The following VPS54 variants were observed in gnomAD, a reference collection of about 807,000 sequenced individuals.
VPS54 encodes the protein vacuolar protein sorting-associated protein 54.
A neutral mutation model predicts 121.5 loss-of-function variants in VPS54; 45 were observed. The observed-to-expected ratio is 0.37, with a 90% CI of 0.29 to 0.47. VPS54 has a LOEUF of 0.47. VPS54 is among the 20% of genes least tolerant of loss of function. VPS54 has a pLI of 0.99. For missense variants in VPS54, 1,090 were observed against 1,131.4 expected, an observed-to-expected ratio of 0.96 and a Z score of 0.52; for synonymous variants, 371 against 385.8, an observed-to-expected ratio of 0.96 and a Z score of 0.45.
chr2:64,008,963 A>G (rs530791547), intron 1 of VPS54, among the ~76,000 whole-genome samples: 2 of 152,378 alleles, frequency 1.3e-5, no homozygotes, highest in South Asian at 4.1e-4. Context: ...GATCTCCATT[A>G]TATGAATGAA....
chr2:63,988,649 G>T (rs1677167689), intron 1 of VPS54, among the ~76,000 whole-genome samples: 1 of 152,146 alleles, frequency 6.6e-6, no homozygotes, highest in Non-Finnish European at 1.5e-5. Flanking sequence ...ACAATCTTAT[G>T]ATTTCCTATG....
chr2:63,933,520 A>C (rs548107816), intron 12 of VPS54, among the ~76,000 whole-genome samples, 153 bp downstream of exon 12: 1 of 152,290 alleles, frequency 6.6e-6, no homozygotes, highest in East Asian at 1.9e-4. Context: ...CTTCTCATAC[A>C]TTTTTATAGA....
intron 11 of VPS54, among the ~76,000 whole-genome samples, chr2:63,935,565 C>T (rs1422069259): frequency 1.3e-5 from 2 of 152,108 alleles, no homozygotes; most frequent in Admixed American, 6.6e-5. Flanking sequence ...ACATGACAGA[C>T]CTATCCAACA....
intron 16 of VPS54, among the ~76,000 whole-genome samples, chr2:63,915,086 G>A (rs1673319563): frequency 6.7e-6 from 1 of 148,712 alleles, no homozygotes; most frequent in African/African-American, 2.5e-5. Context: ...GGGAGCCGGA[G>A]GTTGTGGTGA....
At chr2:63,973,767 ACT>A (rs1676394178) in intron 3 of VPS54, among the ~76,000 whole-genome samples, 1 of 151,984 alleles carries the variant, frequency 6.6e-6, no homozygotes, top group Admixed American at 6.6e-5. Flanking sequence ...CTGGTCCTGA[ACT>A]CTTGGTCTCA....
intron 6 of VPS54, among the ~76,000 whole-genome samples, chr2:63,963,717 T>C (rs1417905209): frequency 6.6e-6 from 1 of 152,134 alleles, no homozygotes; most frequent in African/African-American, 2.4e-5. Context: ...TCATCTTCAA[T>C]ATGGCTGTTC....
chr2:63,994,102 T>C (rs1310357584), intron 1 of VPS54, among the ~76,000 whole-genome samples: 1 of 152,166 alleles, frequency 6.6e-6, no homozygotes, highest in Non-Finnish European at 1.5e-5. Context: ...CCTTAGAAGC[T>C]GGCCCACCAA....
chr2:64,018,255 T>C (rs1273303255), intron 1 of VPS54, among the ~76,000 whole-genome samples: 1 of 152,016 alleles, frequency 6.6e-6, no homozygotes. Context: ...AGAAAAAAAT[T>C]TTTTTTTGAA....
intron 5 of VPS54, among the ~76,000 whole-genome samples, chr2:63,967,076 T>C (rs909553528): frequency 3.3e-5 from 5 of 152,210 alleles, no homozygotes; most frequent in African/African-American, 1.2e-4. Context: ...GGAGACCATA[T>C]GTTCTTGCAG....
chr2:63,934,833 C>T (rs2104488904), intron 11 of VPS54, among the ~76,000 whole-genome samples: 1 of 152,216 alleles, frequency 6.6e-6, no homozygotes, highest in South Asian at 2.1e-4. Context: ...ATATTGAAAG[C>T]TAGGCAAATG....
intron 1 of VPS54, among the ~76,000 whole-genome samples, chr2:63,990,266 GT>G (rs1677254673): frequency 6.6e-6 from 1 of 151,794 alleles, no homozygotes. Flanking sequence ...TTGGCTTAAC[GT>G]TACCCCCTGC....
chr2:63,967,732 A>G (rs566633107), intron 5 of VPS54, among the ~76,000 whole-genome samples: 3 of 150,094 alleles, frequency 2.0e-5, no homozygotes, highest in Admixed American at 2.0e-4. Flanking sequence ...AAAAAAAAAA[A>G]AAATCTTATA....
At chr2:63,949,858 G>A (rs1301126932) in intron 7 of VPS54, among the ~76,000 whole-genome samples, 1 of 152,098 alleles carries the variant, frequency 6.6e-6, no homozygotes, top group Non-Finnish European at 1.5e-5. Context: ...ATTTGCTTTA[G>A]TTTCAGTGCC....
chr2:63,990,967 C>G (rs1251227263), intron 1 of VPS54, among the ~76,000 whole-genome samples: 1 of 152,164 alleles, frequency 6.6e-6, no homozygotes, highest in Non-Finnish European at 1.5e-5. Context: ...AAAAGCTTTT[C>G]TAACCCCATT....
intron 1 of VPS54, among the ~76,000 whole-genome samples, chr2:63,990,500 C>T (rs1255061810): frequency 2.0e-5 from 3 of 152,106 alleles, no homozygotes; most frequent in Non-Finnish European, 4.4e-5. Context: ...GGTCACTTTG[C>T]CATCCACTCA....
At chr2:63,954,531 A>T (rs542814940) in intron 7 of VPS54, among the ~76,000 whole-genome samples, 47 of 152,130 alleles carry the variant, frequency 3.1e-4, no homozygotes, top group Middle Eastern at 3.2e-3. Flanking sequence ...GGGAAACATC[A>T]ATTCATAGAA....
chr2:64,016,828 C>T (rs1678720661), intron 1 of VPS54, among the ~76,000 whole-genome samples: 1 of 151,490 alleles, frequency 6.6e-6, no homozygotes, highest in East Asian at 1.9e-4. Flanking sequence ...AGGCTGGTCT[C>T]GAACTCTGGA....
chr2:63,927,994 C>T (rs1186635752), intron 12 of VPS54, among the ~76,000 whole-genome samples: 1 of 152,088 alleles, frequency 6.6e-6, no homozygotes, highest in Non-Finnish European at 1.5e-5. Flanking sequence ...ATAAAGCCTC[C>T]AAGAAATATG....
At chr2:63,967,718 C>CAAAAAAAAAAAAAAAAAAAAAAAAAA (rs56820620) in intron 5 of VPS54, among the ~76,000 whole-genome samples, 6 of 52,984 alleles carry the variant, frequency 1.1e-4, no homozygotes, top group Admixed American at 2.1e-4. Flanking sequence ...GACTCTGCCT[C>CAAAAAAAAAAAAAAAAAAAAAAAAAA]AAAAAAAAAA....
Sources: allele counts gnomAD v4.1 joint callset (sites outside exome capture counted in the v4.1 genomes callset), GRCh38; gene constraint gnomAD v4.1.1; transcripts MANE v1.5; gene names NCBI Gene and HGNC (gene_info 2026-07-23, HGNC 2026-07-21).